DNHD1: variants seen among roughly 807,000 people sequenced by gnomAD.
DNHD1 encodes dynein heavy chain domain 1, also known as dynein heavy chain domain-containing protein 1.
A neutral mutation model predicts 458.1 loss-of-function variants in DNHD1; 383 were observed. The ratio of observed to expected loss-of-function variants is 0.84; its 90% CI spans 0.77 to 0.91. The LOEUF is 0.91. Ranked by LOEUF, DNHD1 falls within the 40% of genes least tolerant of loss-of-function variation. DNHD1 has a pLI of 0.00. For missense variants in DNHD1, 5,336 were observed against 5,866.1 expected (o/e 0.91, Z 2.95); for synonymous variants, 2,203 against 2,376.9 (o/e 0.93, Z 2.13).
At position 6,529,084 on chromosome 11, in the gene DNHD1, GC is replaced by G; in HGVS notation, c.2311del (p.Leu771CysfsTer16). The G allele has an allele frequency of 1.9e-6, 3 of 1,550,400 alleles. No homozygotes were observed. Among genetic ancestry groups the G allele is most frequent in the Non-Finnish European group, 2.6e-6 (3 of 1,146,924 alleles). On this transcript the variant is annotated frameshift_variant, in exon 12 of 43. Coordinates refer to ENST00000254579, the MANE Select transcript of DNHD1 (RefSeq NM_144666.3). LOFTEE classifies it high-confidence loss of function. ...TCGAGTTGCTCACAAAAGGCGGGTT[GC>G]TGCTACTTAGCTGCCATGATGTACA... ...PIELLTKGGL[L>X]LLSCHDVQAE...
intron 24 of DNHD1, among the ~76,000 whole-genome samples, chr11:6,553,488 C>G (rs12364548): frequency 6.6e-6 from 1 of 151,960 alleles, no homozygotes; most frequent in Admixed American, 6.6e-5. Flanking sequence ...GAGACCACAT[C>G]GACGCAATTA....
intron 12 of DNHD1, among the ~76,000 whole-genome samples, chr11:6,529,502 C>A (rs997025892): frequency 6.6e-6 from 1 of 152,182 alleles, no homozygotes. Context: ...GCTTGTCTTA[C>A]TCTGTAGTCC....
Position 6,557,673 on chromosome 11 carries a change from AGAAACCCCAGATG to A in DNHD1, c.8381_8393del (p.Lys2794ThrfsTer2). On this transcript the variant is annotated frameshift_variant, in exon 25 of 43. Transcript: ENST00000254579. LOFTEE classifies it high-confidence loss of function. ...AGATCATTCAAGACTTGGTGGCAGA[AGAAACCCCAGATG>A]GACCTGATCTCACCCTTGTTGTTAC... 6.4e-7 allele frequency: 1 copy of A among 1,551,746 alleles called. No homozygotes were observed. Among genetic ancestry groups the A allele is most frequent in the Non-Finnish European group, 8.7e-7 (1 of 1,146,992 alleles).
At position 6,566,687 on chromosome 11, in the gene DNHD1, G is replaced by A; in HGVS notation, c.11307G>A (p.Glu3769=). ...EQMLHEILCR[E]YPELETRWQD... Reference sequence around the variant, plus strand: ...TGCTGCATGAAATCTTGTGCAGAGAGTATCCTGAACTCGAGACCCGCTGGC... The same window carrying A: ...TGCTGCATGAAATCTTGTGCAGAGAATATCCTGAACTCGAGACCCGCTGGC... The change falls in exon 35 of 43, where the codon GAG becomes GAA. Residue 3769 remains glutamate, a synonymous_variant. Coordinates refer to ENST00000254579, the MANE Select transcript of DNHD1 (RefSeq NM_144666.3). 2 of 1,613,280 alleles carry A rather than the reference G, an allele frequency of 1.2e-6. No homozygotes were observed. Among genetic ancestry groups the A allele is most frequent in the South Asian group, 2.2e-5 (2 of 90,840 alleles).
chr11:6,513,229 A>T (rs1043378017), intron 7 of DNHD1, among the ~76,000 whole-genome samples: 1 of 152,218 alleles, frequency 6.6e-6, no homozygotes, highest in Non-Finnish European at 1.5e-5. Flanking sequence ...ATTAAGGTAT[A>T]ATTCATATAC....
chr11:6,558,894 C>T lies in DNHD1; in HGVS notation c.9212-8C>T, dbSNP rs1330038109. 1 of 1,551,502 alleles carries T rather than the reference C, an allele frequency of 6.4e-7. No individual in the cohort carries two copies. The highest frequency in any genetic ancestry group is 1.4e-5 in the African/African-American group (1 of 73,050). ...CACAGAGTGAGGCTAAAGCCATGCC[C>T]ATTGCAGGCTCCTGGAAGTACCCAG... On this transcript the variant is annotated splice_polypyrimidine_tract_variant and splice_region_variant and intron_variant, in intron 26 of 42. Coordinates refer to ENST00000254579, the MANE Select transcript of DNHD1 (RefSeq NM_144666.3).
intron 7 of DNHD1, among the ~76,000 whole-genome samples, chr11:6,517,077 A>G (rs1852487731): frequency 6.6e-6 from 1 of 152,210 alleles, no homozygotes; most frequent in African/African-American, 2.4e-5. Flanking sequence ...AGACTCTGGC[A>G]AGGGCTCAGT....
In DNHD1 at chr11:6,557,414, G is replaced by A. The variant is rs553244185; in HGVS notation, c.8119G>A (p.Glu2707Lys). ...GGAGGAGGAGGAGGAGAGGGTGCCC[G>A]AAGTAGAATCTGAAGGGGAGTTGGC... is the stretch of plus-strand genomic sequence containing the variant. The part of the protein sequence containing the change: ...EEEEEEERVP[E>K]VESEGELAQW... The change falls in exon 25 of 43, where the codon GAA (glutamate) becomes AAA (lysine). Residue 2707 changes from glutamate (E) to lysine (K), a missense_variant. Glu to Lys is a moderately conservative substitution (Grantham distance 56). This residue lies in a region of DNHD1 where 3,932 missense variants were observed against 4,365.6 expected (regional missense o/e 0.90). Coordinates refer to ENST00000254579, the MANE Select transcript of DNHD1 (RefSeq NM_144666.3). The A allele has an allele frequency of 6.0e-4, 929 of 1,551,190 alleles. No homozygotes were observed. The highest frequency in any genetic ancestry group is 7.6e-4 in the Non-Finnish European group (870 of 1,147,086).
chr11:6,557,550 C>T lies in DNHD1; in HGVS notation c.8255C>T (p.Ser2752Phe). 6.4e-7 allele frequency: 1 copy of T among 1,551,736 alleles called. No homozygotes were observed. The highest frequency in any genetic ancestry group is 1.2e-5 in the South Asian group (1 of 84,058). ...SNSRDPSLTPSIGPVSRGMKE... is the reference protein window; with the variant it reads ...SNSRDPSLTPFIGPVSRGMKE... ...TCCAGAGATCCAAGTCTAACACCAT[C>T]CATAGGACCAGTAAGCAGGGGGATG... is the stretch of plus-strand genomic sequence containing the variant. The change falls in exon 25 of 43, where the codon TCC becomes TTC. Residue 2752 changes from serine to phenylalanine, a missense_variant. Ser to Phe is a radical substitution (Grantham distance 155). Around this residue, in one of 4 missense-constraint regions of DNHD1, gnomAD observed 3,932 missense variants for 4,365.6 expected, o/e 0.90. Coordinates refer to ENST00000254579, the MANE Select transcript of DNHD1 (RefSeq NM_144666.3).
intron 10 of DNHD1, among the ~76,000 whole-genome samples, chr11:6,526,749 C>T (rs1474433756): frequency 6.6e-6 from 1 of 152,178 alleles, no homozygotes; most frequent in Non-Finnish European, 1.5e-5. Context: ...CAAAAGGGAG[C>T]CCTGACTGTT....
At position 6,565,697 on chromosome 11, in the gene DNHD1, A is replaced by T. The variant is rs1280484817; in HGVS notation, c.10759A>T (p.Lys3587Ter). Residue 3587 changes from lysine to a stop codon, truncating the protein, a stop_gained and splice_region_variant, in exon 33 of 43, where the codon AAA becomes TAA. Coordinates refer to ENST00000254579, the MANE Select transcript of DNHD1 (RefSeq NM_144666.3). LOFTEE classifies it high-confidence loss of function. ...TCCTCTGAATCTTTCTGCCCCAGGGAAAGGCCTCATGAGAAATCAAAAGAG... is the reference window on the plus strand; with the variant it reads ...TCCTCTGAATCTTTCTGCCCCAGGGTAAGGCCTCATGAGAAATCAAAAGAG... ...FAPALTEGRG[K>*]GLMRNQKRES... The T allele has an allele frequency of 1.3e-6, 2 of 1,543,828 alleles. No homozygotes were observed. Among genetic ancestry groups the T allele is most frequent in the Non-Finnish European group, 1.7e-6 (2 of 1,144,052 alleles).
chr11:6,503,396 T>A (rs1852175524), intron 4 of DNHD1: 1 of 152,716 alleles, frequency 6.5e-6, no homozygotes, highest in Non-Finnish European at 1.5e-5. Context: ...TCTATGGGGC[T>A]ATAAAAACAG....
At position 6,557,169 on chromosome 11, in the gene DNHD1, G is replaced by A. The variant is rs767706779; in HGVS notation, c.7874G>A (p.Arg2625Gln). ...CCCAACCACCAGGAGCACTTGCGCCGGGTGTCAGGCCTGCGAGGCACTTGT... is the reference window on the plus strand; with the variant it reads ...CCCAACCACCAGGAGCACTTGCGCCAGGTGTCAGGCCTGCGAGGCACTTGT... ...DYPNHQEHLR[R>Q]VSGLRGTCLT... The change falls in exon 25 of 43, where the codon CGG (arginine) becomes CAG (glutamine). Residue 2625 changes from arginine to glutamine, a missense_variant. Transcript: ENST00000254579. 2.4e-5 allele frequency: 37 copies of A among 1,551,624 alleles called. No homozygotes were observed. The highest frequency in any genetic ancestry group is 3.3e-4 in the Middle Eastern group (2 of 6,014).
chr11:6,499,802 A>G (rs1642715050), intron 3 of DNHD1, among the ~76,000 whole-genome samples: 2 of 151,912 alleles, frequency 1.3e-5, no homozygotes, highest in Admixed American at 6.6e-5. Flanking sequence ...TCCTGACCTC[A>G]TGATCCGCCC....
chr11:6,566,047 C>G, intron 33 of DNHD1, 56 bp downstream of exon 33: 1 of 1,416,094 alleles, frequency 7.1e-7, no homozygotes, highest in Non-Finnish European at 9.5e-7. Flanking sequence ...CATTCTGTGA[C>G]CCCACAGGCC....
At position 6,570,945 on chromosome 11, in the gene DNHD1, G is replaced by C. The variant is rs778503375; in HGVS notation, c.13433G>C (p.Arg4478Pro). 2.5e-6 allele frequency: 4 copies of C among 1,608,488 alleles called. No homozygotes were observed. Among genetic ancestry groups the C allele is most frequent in the Non-Finnish European group, 3.4e-6 (4 of 1,175,432 alleles). ...TGGTCAGTGCTGGGGCCAAATGCAC[G>C]GCGGCCTCTGGAGGGCGTCTTAGAG... Reference protein sequence around the residue: ...APWSVLGPNARRPLEGVLETE... With the variant: ...APWSVLGPNAPRPLEGVLETE... Residue 4478 changes from arginine to proline, a missense_variant, in exon 42 of 43, where the codon CGG becomes CCG. Around this residue, in one of 4 missense-constraint regions of DNHD1, gnomAD observed 698 missense variants for 664.9 expected, o/e 1.05. Transcript: ENST00000254579.
rs1372325751 is a variant in DNHD1, at chr11:6,547,257, C to T, written c.6318C>T (p.Pro2106=). 1.3e-6 allele frequency: 2 copies of T among 1,551,640 alleles called. No homozygotes were observed. The highest frequency in any genetic ancestry group is 1.7e-6 in the Non-Finnish European group (2 of 1,146,962). ...TCACTTGCCTCCTGAGTGAGCTTCC[C>T]CAGCTTAGTCTCCCCAGTGGACAGC... ...DSITCLLSEL[P]QLSLPSGQQI... The change falls in exon 21 of 43, where the codon CCC becomes CCT. Residue 2106 remains proline, a synonymous_variant. Transcript: ENST00000254579.
Position 6,547,231 on chromosome 11 carries a change from A to C in DNHD1, c.6292A>C (p.Ile2098Leu). 1.3e-6 allele frequency: 2 copies of C among 1,551,820 alleles called. No homozygotes were observed. The highest frequency in any genetic ancestry group is 1.7e-6 in the Non-Finnish European group (2 of 1,147,010). ...CTCCAATGGTGCTTGGCTGGACTCCATCACTTGCCTCCTGAGTGAGCTTCC... is the reference window on the plus strand; with the variant it reads ...CTCCAATGGTGCTTGGCTGGACTCCCTCACTTGCCTCCTGAGTGAGCTTCC... ...GASNGAWLDS[I>L]TCLLSELPQL... The change falls in exon 21 of 43, where the codon ATC becomes CTC. Residue 2098 changes from isoleucine to leucine, a missense_variant. Around this residue, in one of 4 missense-constraint regions of DNHD1, gnomAD observed 3,932 missense variants for 4,365.6 expected, o/e 0.90. Coordinates refer to ENST00000254579, the MANE Select transcript of DNHD1 (RefSeq NM_144666.3).
At chr11:6,532,217 G>T (rs1009882502) in intron 12 of DNHD1, among the ~76,000 whole-genome samples, 7 of 152,164 alleles carry the variant, frequency 4.6e-5, no homozygotes, top group Non-Finnish European at 8.8e-5. Flanking sequence ...GGTGTCTCAT[G>T]ATTGAAGATG....
Sources: gnomAD v4.1 joint callset for allele counts (sites outside exome capture counted in the v4.1 genomes callset) on GRCh38, gnomAD v4.1.1 for gene constraint, gnomAD v4.1.1 regional missense constraint, MANE v1.5 for transcripts, NCBI Gene and HGNC (gene_info 2026-07-23, HGNC 2026-07-21) for gene names.